Variants in TTC1 observed in about 807,000 individuals in gnomAD.
The protein encoded by TTC1 is tetratricopeptide repeat protein 1.
Under a neutral mutation model 37.6 loss-of-function variants are expected in TTC1, and 31 were observed. The ratio of observed to expected loss-of-function variants is 0.82; its 90% CI spans 0.62 to 1.11. The LOEUF (loss-of-function observed/expected upper bound fraction) is 1.11. Among genes scored for constraint, TTC1 ranks in the 50% most tolerant of loss-of-function variants. The pLI is 0.00. For missense variants in TTC1, 351 were observed against 339.0 expected, an observed-to-expected ratio of 1.04 and a Z score of -0.28; for synonymous variants, 127 against 122.4, an observed-to-expected ratio of 1.04 and a Z score of -0.25.
intron 4 of TTC1, among the ~76,000 whole-genome samples, chr5:160,040,630 G>C (rs1757071536): frequency 6.6e-6 from 1 of 152,088 alleles, no homozygotes; most frequent in South Asian, 2.1e-4. Flanking sequence ...CCAGGCTGGA[G>C]TGCAATGGCA....
intron 4 of TTC1, among the ~76,000 whole-genome samples, chr5:160,038,417 C>T (rs779157762): frequency 1.3e-5 from 2 of 152,160 alleles, no homozygotes; most frequent in Non-Finnish European, 2.9e-5. Context: ...AGAGGAAATG[C>T]ACCATACCCA....
chr5:160,032,399 T>C (rs1364162932), intron 2 of TTC1, among the ~76,000 whole-genome samples: 1 of 152,224 alleles, frequency 6.6e-6, no homozygotes, highest in Non-Finnish European at 1.5e-5. Context: ...GAATTTGTTA[T>C]GTTGTCTTGG....
At chr5:160,036,848 C>A in intron 4 of TTC1, 45 bp downstream of exon 4, 2 of 1,357,196 alleles carry the variant, frequency 1.5e-6, no homozygotes, top group Middle Eastern at 1.8e-4. Flanking sequence ...CATGGACTTG[C>A]AGTCTTTTCA....
intron 7 of TTC1, 45 bp from the exon 8 acceptor site, chr5:160,064,887 C>G: frequency 6.3e-7 from 1 of 1,581,314 alleles, no homozygotes; most frequent in Non-Finnish European, 8.6e-7. Flanking sequence ...CTTCCTGCTT[C>G]TGTTCATTCC....
intron 2 of TTC1, among the ~76,000 whole-genome samples, chr5:160,014,659 C>T (rs1581091678): frequency 2.0e-5 from 3 of 151,992 alleles, no homozygotes; most frequent in Admixed American, 6.6e-5. Context: ...GCCATGATCA[C>T]GCCACTGCAC....
chr5:160,059,552 T>TGGAAGAG (rs1757642190), intron 7 of TTC1, among the ~76,000 whole-genome samples: 1 of 152,238 alleles, frequency 6.6e-6, no homozygotes, highest in Non-Finnish European at 1.5e-5. Flanking sequence ...GTCTGGCTCT[T>TGGAAGAG]CCCTTTACTT....
intron 2 of TTC1, 140 bp downstream of exon 2, chr5:160,010,998 T>C: frequency 1.2e-6 from 1 of 803,142 alleles, no homozygotes; most frequent in Non-Finnish European, 1.9e-6. Flanking sequence ...TAGTGTTGGA[T>C]CTGAGATAAA....
rs1757573759 is a variant in TTC1, at chr5:160,057,422, C to T, written c.745+6239C>T. ...ACTGTGTCTAAAAAAAAAAAATGTA[C>T]ATACCTTAATTTTAAAATACATTAT... is the stretch of plus-strand genomic sequence containing the variant. On this transcript the variant is annotated intron_variant, in intron 7 of 7. Transcript: ENST00000231238. The surrounding 1 kb of genome is among the most constrained non-coding windows in gnomAD (Gnocchi z 4.4). Among the ~76,000 whole-genome samples, 1 of 151,824 alleles carries T rather than the reference C, an allele frequency of 6.6e-6. No homozygotes were observed. The highest frequency in any genetic ancestry group is 2.4e-5 in the African/African-American group (1 of 41,322).
chr5:160,034,995 CTG>C (rs1756978329), intron 2 of TTC1, 143 bp from the exon 3 acceptor site: 1 of 541,602 alleles, frequency 1.8e-6, no homozygotes, highest in Non-Finnish European at 3.0e-6. Flanking sequence ...TCCTCTATCA[CTG>C]TACAAGGTTT....
chr5:160,053,115 T>C (rs1477710907), intron 7 of TTC1, among the ~76,000 whole-genome samples: 4 of 152,114 alleles, frequency 2.6e-5, no homozygotes, highest in Non-Finnish European at 4.4e-5. Flanking sequence ...TTCCTCCTTG[T>C]TGCTGATGAG....
intron 6 of TTC1, among the ~76,000 whole-genome samples, 192 bp downstream of exon 6, chr5:160,049,854 G>A (rs1299697968): frequency 6.6e-6 from 1 of 151,938 alleles, no homozygotes; most frequent in African/African-American, 2.4e-5. Context: ...AAGGAGGAGA[G>A]ATCACTTGAG....
chr5:160,042,993 A>G lies in TTC1; in HGVS notation c.505-140A>G, dbSNP rs2271943. ...TTTTGAGTTTTGTCTTGGAAGTAAC[A>G]TTCAGGTTTTTACGTAATTTCTTTG... On this transcript the variant is annotated intron_variant, in intron 4 of 7. Transcript: ENST00000231238. 3.6e-3 allele frequency: 3,071 copies of G among 855,950 alleles called. 77 individuals are homozygous for G. The East Asian group carries it at 0.054, about 15-fold the overall frequency. The allele number at this position is 855,950 out of a possible 1,614,324, so 53.0% of individuals were successfully genotyped here. A position where few individuals can be genotyped will look rare whatever the true frequency, so the allele number is the denominator to read the frequency against.
chr5:160,043,500 A>G (rs1437474876), intron 5 of TTC1, among the ~76,000 whole-genome samples: 1 of 152,124 alleles, frequency 6.6e-6, no homozygotes, highest in Non-Finnish European at 1.5e-5. Context: ...GGGAGGCTGA[A>G]GTGGATCACC....
At chr5:160,048,763 C>A (rs1757324427) in intron 5 of TTC1, among the ~76,000 whole-genome samples, 1 of 152,082 alleles carries the variant, frequency 6.6e-6, no homozygotes, top group African/African-American at 2.4e-5. Flanking sequence ...CTAGCCTGGC[C>A]AACATAATGA....
At chr5:160,029,658 A>C (rs1756872154) in intron 2 of TTC1, among the ~76,000 whole-genome samples, 1 of 152,056 alleles carries the variant, frequency 6.6e-6, no homozygotes, top group African/African-American at 2.4e-5. Context: ...AATAAGTAAA[A>C]ATTGATCTAG....
chr5:160,054,851 A>T (rs1235085657), intron 7 of TTC1, among the ~76,000 whole-genome samples: 1 of 152,158 alleles, frequency 6.6e-6, no homozygotes, highest in Non-Finnish European at 1.5e-5. Flanking sequence ...ATTTTTGCTC[A>T]CATAGGTAAA....
chr5:160,022,435 A>G (rs36122894), intron 2 of TTC1, among the ~76,000 whole-genome samples: 1,842 of 152,286 alleles, frequency 0.012, 22 homozygotes, highest in Middle Eastern at 0.075. Context: ...TTTGTTGTCA[A>G]TTAAAAAATT....
At chr5:160,032,689 T>C (rs944733333) in intron 2 of TTC1, among the ~76,000 whole-genome samples, 2 of 150,452 alleles carry the variant, frequency 1.3e-5, no homozygotes, top group African/African-American at 4.9e-5. Context: ...CCTCCTTGAG[T>C]TCTACCTGCT....
chr5:160,025,683 A>C (rs1756788849), intron 2 of TTC1, among the ~76,000 whole-genome samples: 1 of 152,204 alleles, frequency 6.6e-6, no homozygotes, highest in African/African-American at 2.4e-5. Context: ...TCCTGCAAAC[A>C]ATTCTTTATT....
Sources: gnomAD v4.1 joint callset for allele counts (sites outside exome capture counted in the v4.1 genomes callset) on GRCh38, gnomAD v4.1.1 for gene constraint, Gnocchi (gnomAD v3.1) non-coding constraint, MANE v1.5 for transcripts, NCBI Gene and HGNC (gene_info 2026-07-23, HGNC 2026-07-21) for gene names.